The following RHOT1 variants were observed in gnomAD, a reference collection of about 807,000 sequenced individuals.
The protein encoded by RHOT1 is mitochondrial Rho GTPase 1.
RHOT1 carries 27 observed loss-of-function variants against 95.3 expected under a neutral mutation model. The observed-to-expected ratio is 0.28, with a 90% CI of 0.21 to 0.39. RHOT1 has a LOEUF of 0.39. RHOT1 is among the 10% of genes least tolerant of loss of function. The probability of loss-of-function intolerance (pLI) is 1.00; values close to 1 mark genes in which losing one functional copy is unlikely to be tolerated. For missense variants in RHOT1, 578 were observed against 786.7 expected, an observed-to-expected ratio of 0.73 and a Z score of 3.17; for synonymous variants, 227 against 263.5, an observed-to-expected ratio of 0.86 and a Z score of 1.34.
chr17:32,220,559 G>T (rs991452394), intron 19 of RHOT1, among the ~76,000 whole-genome samples: 2 of 152,104 alleles, frequency 1.3e-5, no homozygotes, highest in African/African-American at 4.8e-5. Flanking sequence ...AAGGGGCTGG[G>T]CACAGTGGCT....
At chr17:32,179,810 T>C in intron 6 of RHOT1, 1 of 143,648 alleles carries the variant, frequency 7.0e-6, no homozygotes, top group Non-Finnish European at 1.5e-5. Flanking sequence ...GGGGAGCGCC[T>C]CTGCCTGGCC....
At chr17:32,181,334 C>T (rs1476608734) in intron 6 of RHOT1, among the ~76,000 whole-genome samples, 3 of 152,110 alleles carry the variant, frequency 2.0e-5, no homozygotes, top group Non-Finnish European at 4.4e-5. Flanking sequence ...TCTTAATCTT[C>T]TGTATCTTCT....
At chr17:32,174,621 C>T (rs2034847809) in intron 3 of RHOT1, among the ~76,000 whole-genome samples, 1 of 152,160 alleles carries the variant, frequency 6.6e-6, no homozygotes, top group South Asian at 2.1e-4. Flanking sequence ...TATAAAATAC[C>T]ATTGAATTCA....
chr17:32,156,117 C>A (rs1338588750), intron 1 of RHOT1, among the ~76,000 whole-genome samples: 1 of 152,206 alleles, frequency 6.6e-6, no homozygotes, highest in African/African-American at 2.4e-5. Context: ...AATTCCGGGA[C>A]CCAACATTGG....
intron 1 of RHOT1, among the ~76,000 whole-genome samples, chr17:32,166,744 G>T (rs1264233718): frequency 6.6e-6 from 1 of 152,204 alleles, no homozygotes; most frequent in Non-Finnish European, 1.5e-5. Context: ...CAGCAATTTA[G>T]TCACATTTTT....
intron 7 of RHOT1, 38 bp downstream of exon 7, chr17:32,182,903 T>C: frequency 7.7e-7 from 1 of 1,302,844 alleles, no homozygotes; most frequent in Non-Finnish European, 1.1e-6. Flanking sequence ...TTATTTTTAA[T>C]GAATTCTTAC....
At chr17:32,152,108 AC>A (rs2032379953) in intron 1 of RHOT1, among the ~76,000 whole-genome samples, 1 of 152,220 alleles carries the variant, frequency 6.6e-6, no homozygotes, top group African/African-American at 2.4e-5. Flanking sequence ...GATACAAATA[AC>A]TTAAACAGAA....
intron 11 of RHOT1, among the ~76,000 whole-genome samples, 187 bp from the exon 12 acceptor site, chr17:32,198,760 T>C (rs1159291034): frequency 2.0e-5 from 3 of 152,178 alleles, no homozygotes; most frequent in African/African-American, 7.2e-5. Context: ...ATGAGCATTA[T>C]TATGACTCTT....
Position 32,201,883 on chromosome 17 carries a change from G to A in RHOT1, c.1201+827G>A, listed in dbSNP as rs191924884. On this transcript the variant is annotated intron_variant, in intron 14 of 19. Coordinates refer to ENST00000545287, the MANE Select transcript of RHOT1 (RefSeq NM_001033566.3). ...AGGTCTGTTGTAGTTCAGTCTTCAGGTATAGCCTAAGGAGGTTGTGTTTGT... is the reference window on the plus strand; with the variant it reads ...AGGTCTGTTGTAGTTCAGTCTTCAGATATAGCCTAAGGAGGTTGTGTTTGT... Among the ~76,000 whole-genome samples the A allele has an allele frequency of 1.7e-3, 254 of 151,310 alleles. 1 individual carries two copies. The highest frequency in any genetic ancestry group is 5.7e-3 in the African/African-American group (236 of 41,064).
chr17:32,175,878 G>T, intron 4 of RHOT1, 84 bp from the exon 5 acceptor site: 2 of 872,922 alleles, frequency 2.3e-6, no homozygotes, highest in Non-Finnish European at 3.4e-6. Context: ...CCTTTCACCC[G>T]AATATATTAA....
At chr17:32,161,038 C>A (rs2033495425) in intron 1 of RHOT1, among the ~76,000 whole-genome samples, 1 of 152,216 alleles carries the variant, frequency 6.6e-6, no homozygotes, top group African/African-American at 2.4e-5. Flanking sequence ...GTGGGTTCTT[C>A]TGCCTGCTAC....
rs2030506846 is a variant in RHOT1 at position 32,142,607 on chromosome 17, C to G, written c.-86C>G. 2.5e-6 allele frequency: 3 copies of G among 1,223,498 alleles called. No homozygotes were observed. Among genetic ancestry groups the G allele is most frequent in the South Asian group, 1.7e-5 (1 of 59,004 alleles). The allele number at this position is 1,223,498 out of a possible 1,614,324, so 75.8% of individuals were successfully genotyped here. On this transcript the variant is annotated 5_prime_UTR_variant, in exon 1 of 20. Transcript: ENST00000545287. ...GGGCCCCGGCGGCCGAAGAGGCTGG[C>G]AGGTGGCGCCGTGGGGTGGGTGCTC...
At chr17:32,167,365 C>T (rs568080875) in intron 1 of RHOT1, among the ~76,000 whole-genome samples, 53 of 150,184 alleles carry the variant, frequency 3.5e-4, no homozygotes, top group African/African-American at 1.1e-3. Flanking sequence ...CTCGCTCTGT[C>T]GCCCAGGCTA....
At position 32,225,527 on chromosome 17, in the gene RHOT1, C is replaced by G. The variant is rs1417528851; in HGVS notation, c.*794C>G. 2 of 152,562 alleles carry G rather than the reference C, an allele frequency of 1.3e-5. No homozygotes were observed. The highest frequency in any genetic ancestry group is 1.3e-4 in the Admixed American group (2 of 15,268). The allele number at this position is 152,562 out of a possible 1,614,324, so 9.5% of individuals were successfully genotyped here. A position where few individuals can be genotyped will look rare whatever the true frequency, so the allele number is the denominator to read the frequency against. On this transcript the variant is annotated 3_prime_UTR_variant, in exon 20 of 20. Coordinates refer to ENST00000545287, the MANE Select transcript of RHOT1 (RefSeq NM_001033566.3). ...AATTTCATCCCAAGTGTAAATCATT[C>G]TATAATGGCTGTGTCTGTTATAGTA...
At chr17:32,148,349 A>G (rs2031699940) in intron 1 of RHOT1, among the ~76,000 whole-genome samples, 1 of 152,236 alleles carries the variant, frequency 6.6e-6, no homozygotes, top group Non-Finnish European at 1.5e-5. Context: ...AAATGCAGAG[A>G]AAGTCAAAGT....
chr17:32,184,586 G>T (rs1233865357), intron 8 of RHOT1, among the ~76,000 whole-genome samples: 1 of 151,484 alleles, frequency 6.6e-6, no homozygotes, highest in Non-Finnish European at 1.5e-5. Context: ...AAGCTCCTGG[G>T]CTCAAGTGAT....
chr17:32,151,748 G>C lies in RHOT1; in HGVS notation c.37+9019G>C, dbSNP rs147306980. Among the ~76,000 whole-genome samples, 844 of 152,138 alleles carry C rather than the reference G, an allele frequency of 5.5e-3. 5 individuals are homozygous for C. The highest frequency in any genetic ancestry group is 0.019 in the African/African-American group (776 of 41,512). ...ATACAAAAAATTAGCCGGGCATGGT[G>C]GTGGGCGCCTGTAATCCCAGCTACA... On this transcript the variant is annotated intron_variant, in intron 1 of 19. Transcript: ENST00000545287.
chr17:32,152,332 G>A (rs2142381700), intron 1 of RHOT1, among the ~76,000 whole-genome samples: 1 of 152,326 alleles, frequency 6.6e-6, no homozygotes, highest in East Asian at 1.9e-4. Flanking sequence ...AGACTAATGA[G>A]CAGAGCTGTG....
At chr17:32,154,164 AG>A (rs1427789195) in intron 1 of RHOT1, among the ~76,000 whole-genome samples, 14 of 151,394 alleles carry the variant, frequency 9.2e-5, no homozygotes, top group African/African-American at 2.9e-4. Flanking sequence ...AAAAGGGGCC[AG>A]GCACAATGGC....
Sources: gnomAD v4.1 joint callset for allele counts (sites outside exome capture counted in the v4.1 genomes callset) on GRCh38, gnomAD v4.1.1 for gene constraint, MANE v1.5 for transcripts, NCBI Gene and HGNC (gene_info 2026-07-23, HGNC 2026-07-21) for gene names.